SHC2: variants seen among roughly 807,000 people sequenced by gnomAD.
The protein encoded by SHC2 is SHC adaptor protein 2.
SHC2 carries 62 observed loss-of-function variants against 60.6 expected under a neutral mutation model. That is an observed-to-expected ratio of 1.02 (90% CI 0.83 to 1.26). SHC2 has a LOEUF of 1.26. SHC2 is among the 50% of genes most tolerant of loss of function. The pLI, the probability that SHC2 is intolerant of heterozygous loss-of-function variation, is 0.00. For synonymous variants in SHC2, 375 were observed against 372.4 expected, an observed-to-expected ratio of 1.01 and a Z score of -0.08; for missense variants, 873 against 822.2, an observed-to-expected ratio of 1.06 and a Z score of -0.76.
intron 1 of SHC2, among the ~76,000 whole-genome samples, chr19:454,699 A>G (rs1391726589): frequency 6.6e-6 from 1 of 152,096 alleles, no homozygotes; most frequent in Non-Finnish European, 1.5e-5. Flanking sequence ...CTGAGGCAGG[A>G]GAATCGCTTG....
intron 8 of SHC2, 97 bp downstream of exon 8, chr19:434,612 C>T (rs534199576): frequency 9.6e-5 from 99 of 1,032,898 alleles, no homozygotes; most frequent in Non-Finnish European, 1.1e-4. Context: ...CCTCTAGGAT[C>T]GAGGAGAACA....
intron 12 of SHC2, among the ~76,000 whole-genome samples, chr19:417,648 C>A (rs1974183933): frequency 6.6e-6 from 1 of 152,260 alleles, no homozygotes; most frequent in Admixed American, 6.5e-5. Flanking sequence ...ATCATTACTG[C>A]CTTCCAGGTT....
rs1975041141 is a variant in SHC2 at position 445,963 on chromosome 19, G to A, written c.469-5031C>T. Among the ~76,000 whole-genome samples, 1 of 152,066 alleles carries A rather than the reference G, an allele frequency of 6.6e-6. No homozygotes were observed. The highest frequency in any genetic ancestry group is 1.5e-5 in the Non-Finnish European group (1 of 68,016). On this transcript the variant is annotated intron_variant, in intron 1 of 12. Coordinates refer to ENST00000264554, the MANE Select transcript of SHC2 (RefSeq NM_012435.3). This position sits in a 1 kb window ranked among gnomAD's most constrained non-coding sequence, Gnocchi z 4.4. ...CCAGCTACTTGGGAGGCTGAGGCAGGAGAATCATTTGAACCCAGGAGGCGG... is the reference window on the plus strand; with the variant it reads ...CCAGCTACTTGGGAGGCTGAGGCAGAAGAATCATTTGAACCCAGGAGGCGG...
At chr19:454,416 C>T (rs1030674533) in intron 1 of SHC2, among the ~76,000 whole-genome samples, 3 of 152,306 alleles carry the variant, frequency 2.0e-5, no homozygotes, top group East Asian at 3.9e-4. Context: ...AGGGGAGGAA[C>T]TGACCCAGCA....
At position 445,517 on chromosome 19, in the gene SHC2, C is replaced by T. The variant is rs985516771; in HGVS notation, c.469-4585G>A. On this transcript the variant is annotated intron_variant, in intron 1 of 12. Transcript: ENST00000264554. This position sits in a 1 kb window ranked among gnomAD's most constrained non-coding sequence, Gnocchi z 4.4. Reference sequence around the variant, plus strand: ...AGGAGACCTAGGTGGGAGGCTGTCTCGAAGCCAGGAGTTCAAGACCAGCCT... The same window carrying T: ...AGGAGACCTAGGTGGGAGGCTGTCTTGAAGCCAGGAGTTCAAGACCAGCCT... Among the ~76,000 whole-genome samples, 1 of 152,136 alleles carries T rather than the reference C, an allele frequency of 6.6e-6. No homozygotes were observed. The highest frequency in any genetic ancestry group is 2.1e-4 in the South Asian group (1 of 4,818).
chr19:428,251 C>T (rs1057397313), intron 9 of SHC2, among the ~76,000 whole-genome samples: 5 of 152,106 alleles, frequency 3.3e-5, no homozygotes, highest in Non-Finnish European at 5.9e-5. Context: ...TCGAAGTGCC[C>T]GGTGGGAATG....
In SHC2 at chr19:453,765, C is replaced by T. The variant is rs772164709; in HGVS notation, c.468+6764G>A. 2.6e-5 allele frequency among the ~76,000 whole-genome samples: 4 copies of T among 152,176 alleles called. No individual in the cohort carries two copies. The highest frequency in any genetic ancestry group is 2.4e-5 in the African/African-American group (1 of 41,450). On this transcript the variant is annotated intron_variant, in intron 1 of 12. Transcript: ENST00000264554. The surrounding 1 kb of genome is among the most constrained non-coding windows in gnomAD (Gnocchi z 6.3). ...AAGGATGAAGTGTCATTTTGCCGACCGTGTCCCAGTTTGCGTCCATCCCCC... is the reference window on the plus strand; with the variant it reads ...AAGGATGAAGTGTCATTTTGCCGACTGTGTCCCAGTTTGCGTCCATCCCCC...
In SHC2 at chr19:445,503, G is replaced by A. The variant is rs1034226593; in HGVS notation, c.469-4571C>T. 9.2e-5 allele frequency among the ~76,000 whole-genome samples: 14 copies of A among 152,230 alleles called. No individual in the cohort carries two copies. The highest frequency in any genetic ancestry group is 2.7e-4 in the African/African-American group (11 of 41,470). On this transcript the variant is annotated intron_variant, in intron 1 of 12. Coordinates refer to ENST00000264554, the MANE Select transcript of SHC2 (RefSeq NM_012435.3). This position sits in a 1 kb window ranked among gnomAD's most constrained non-coding sequence, Gnocchi z 4.4. ...AATCGCAGCACTTCAGGAGACCTAG[G>A]TGGGAGGCTGTCTCGAAGCCAGGAG...
At position 430,762 on chromosome 19, in the gene SHC2, G is replaced by C; in HGVS notation, c.1111-15C>G. 8 of 1,612,428 alleles carry C rather than the reference G, an allele frequency of 5.0e-6. No homozygotes were observed. The highest frequency in any genetic ancestry group is 6.8e-6 in the Non-Finnish European group (8 of 1,179,444). On this transcript the variant is annotated splice_polypyrimidine_tract_variant and intron_variant, in intron 8 of 12. Coordinates refer to ENST00000264554, the MANE Select transcript of SHC2 (RefSeq NM_012435.3). The stretch of plus-strand genomic sequence containing the variant: ...GGAGATGGGCCCTGGAAACAGAGCA[G>C]TGAGAGGTTCCCCGGTGTGTGCAAG...
chr19:421,045 A>G (rs879715174), intron 11 of SHC2, among the ~76,000 whole-genome samples: 3 of 151,730 alleles, frequency 2.0e-5, no homozygotes, highest in Non-Finnish European at 4.4e-5. Flanking sequence ...GCGAGACTCC[A>G]TCAAGAAAGA....
chr19:428,097 C>T (rs541181891), intron 9 of SHC2, among the ~76,000 whole-genome samples: 16 of 152,302 alleles, frequency 1.1e-4, no homozygotes, highest in African/African-American at 1.9e-4. Flanking sequence ...CAGTGACGCA[C>T]GCCTGTGGTT....
chr19:434,955 T>A, intron 7 of SHC2, 90 bp from the exon 8 acceptor site: 1 of 1,385,666 alleles, frequency 7.2e-7, no homozygotes, highest in Non-Finnish European at 9.7e-7. Flanking sequence ...GCAGGAAATA[T>A]CTGAGTTCGA....
At chr19:457,772 T>C (rs1975386328) in intron 1 of SHC2, among the ~76,000 whole-genome samples, 1 of 152,250 alleles carries the variant, frequency 6.6e-6, no homozygotes, top group Non-Finnish European at 1.5e-5. Flanking sequence ...CACACCTGAC[T>C]GGTCCCAATG....
In SHC2 at chr19:422,347, G is replaced by A. The variant is rs1205593087; in HGVS notation, c.1419C>T (p.Ala473=). The stretch of plus-strand genomic sequence containing the variant: ...GCTGTTCCTCCGTGGGGGCCACAGG[G>A]GCCCGGCGGGTAGGGGGGCTGGGCC... The part of the protein sequence containing the change: ...DQWPSPPTRR[A]PVAPTEEQLR... Residue 473 remains alanine (A), a synonymous_variant, in exon 11 of 13, where the codon GCC becomes GCT. Coordinates refer to ENST00000264554, the MANE Select transcript of SHC2 (RefSeq NM_012435.3). The surrounding 1 kb of genome is among the most constrained non-coding windows in gnomAD (Gnocchi z 5.0). 6.2e-7 allele frequency: 1 copy of A among 1,607,974 alleles called. No homozygotes were observed.
At position 453,692 on chromosome 19, in the gene SHC2, C is replaced by T. The variant is rs1975257664; in HGVS notation, c.468+6837G>A. Among the ~76,000 whole-genome samples the T allele has an allele frequency of 6.6e-6, 1 of 152,182 alleles. No homozygotes were observed. Among genetic ancestry groups the T allele is most frequent in the African/African-American group, 2.4e-5 (1 of 41,446 alleles). On this transcript the variant is annotated intron_variant, in intron 1 of 12. Transcript: ENST00000264554. The surrounding 1 kb of genome is among the most constrained non-coding windows in gnomAD (Gnocchi z 6.3). ...TTGGAGCTGAACCATCTCCAGCACC[C>T]TCTCACAACTCCCCGCACCTCCCAG...
intron 12 of SHC2, among the ~76,000 whole-genome samples, chr19:418,674 G>C (rs1974204926): frequency 6.6e-6 from 1 of 152,206 alleles, no homozygotes; most frequent in Admixed American, 6.5e-5. Flanking sequence ...AGAGACAGGA[G>C]GCGGATGTGT....
In SHC2 at chr19:424,949, A is replaced by C. The variant is rs1974371704; in HGVS notation, c.1309+148T>G. 3.5e-6 allele frequency: 3 copies of C among 866,702 alleles called. No individual in the cohort carries two copies. Among genetic ancestry groups the C allele is most frequent in the Middle Eastern group, 2.5e-4 (1 of 3,986 alleles). 53.7% of individuals were successfully genotyped at this position (866,702 alleles called of 1,614,324 possible). On this transcript the variant is annotated intron_variant, in intron 10 of 12. Transcript: ENST00000264554. The surrounding 1 kb of genome is among the most constrained non-coding windows in gnomAD (Gnocchi z 4.5). ...GAGACAGACTGGGCTTCCCCGTCCC[A>C]CCCGTCGACTTGAAGGATCTCACGG... is the stretch of plus-strand genomic sequence containing the variant.
Position 422,392 on chromosome 19 carries a change from A to C in SHC2, c.1374T>G (p.Pro458=). The C allele has an allele frequency of 6.3e-7, 1 of 1,599,758 alleles. No individual in the cohort carries two copies. Among genetic ancestry groups the C allele is most frequent in the African/African-American group, 1.3e-5 (1 of 74,768 alleles). The change falls in exon 11 of 13, where the codon CCT becomes CCG. Residue 458 remains proline, a synonymous_variant. Transcript: ENST00000264554. The surrounding 1 kb of genome is among the most constrained non-coding windows in gnomAD (Gnocchi z 5.0). ...CSVAAGVTAA[P]LPLEDQWPSP... is the part of the protein sequence containing the mutation. ...TGGGCCACTGGTCCTCCAAGGGAAG[A>C]GGGGCTGCTGTCACGCCTGCCGCCA...
At chr19:442,927 G>GGGGA (rs1974933500) in intron 1 of SHC2, among the ~76,000 whole-genome samples, 2 of 134,190 alleles carry the variant, frequency 1.5e-5, no homozygotes, top group Non-Finnish European at 3.2e-5. Context: ...GGGTGGATGG[G>GGGGA]TGGATGGATG....
Sources: gnomAD v4.1 joint callset for allele counts (sites outside exome capture counted in the v4.1 genomes callset) on GRCh38, gnomAD v4.1.1 for gene constraint, Gnocchi (gnomAD v3.1) non-coding constraint, MANE v1.5 for transcripts, NCBI Gene and HGNC (gene_info 2026-07-23, HGNC 2026-07-21) for gene names.